Variants in DENND5B observed in about 807,000 individuals in gnomAD.
The protein encoded by DENND5B is DENN domain-containing protein 5B.
DENND5B carries 34 observed loss-of-function variants against 140.6 expected under a neutral mutation model. The observed-to-expected ratio is 0.24, with a 90% CI of 0.18 to 0.32. DENND5B has a LOEUF of 0.32. Ranked by LOEUF, DENND5B falls within the 10% of genes least tolerant of loss-of-function variation. The pLI is 1.00. For missense variants in DENND5B, 1,142 were observed against 1,560.2 expected (o/e 0.73, Z 4.52); for synonymous variants, 551 against 562.1 (o/e 0.98, Z 0.28).
intron 6 of DENND5B, among the ~76,000 whole-genome samples, chr12:31,446,681 G>A (rs1405885517): frequency 4.0e-4 from 61 of 151,676 alleles, no homozygotes; most frequent in Non-Finnish European, 2.1e-4. Flanking sequence ...CGATCACGAG[G>A]TCGGGAGATC....
intron 4 of DENND5B, among the ~76,000 whole-genome samples, chr12:31,454,097 G>A (rs1328493247): frequency 6.0e-5 from 9 of 150,316 alleles, no homozygotes; most frequent in African/African-American, 2.0e-4. Flanking sequence ...AGCTAAGATC[G>A]TGCCACTGCA....
intron 1 of DENND5B, among the ~76,000 whole-genome samples, chr12:31,537,017 C>T (rs1258910145): frequency 6.6e-6 from 1 of 152,122 alleles, no homozygotes; most frequent in African/African-American, 2.4e-5. Context: ...AAGACTTTCC[C>T]AGACAAACAA....
chr12:31,453,843 A>G (rs1037632725), intron 4 of DENND5B, among the ~76,000 whole-genome samples: 14 of 152,078 alleles, frequency 9.2e-5, no homozygotes, highest in African/African-American at 3.4e-4. Context: ...ATTAAGCTCA[A>G]TAAAAACTCA....
Position 31,402,556 on chromosome 12 carries a change from T to A in DENND5B, c.2891A>T (p.Glu964Val), listed in dbSNP as rs1437594947. 6.2e-7 allele frequency: 1 copy of A among 1,613,888 alleles called. No individual in the cohort carries two copies. The highest frequency in any genetic ancestry group is 8.5e-7 in the Non-Finnish European group (1 of 1,179,828). ...TSNPWICVSG[E>V]LGDTGVMQIP... ...CTGCATTACTCCTGTGTCTCCCAGC[T>A]CTCCTGATACACAGATCCAAGGGTT... Residue 964 changes from glutamate (E) to valine (V), a missense_variant, in exon 15 of 21, where the codon GAG (glutamate) becomes GTG (valine). By Grantham distance (121) the Glu-to-Val change is moderately radical. Around this residue, in one of 5 missense-constraint regions of DENND5B, gnomAD observed 268 missense variants for 349.2 expected, o/e 0.77. Coordinates refer to ENST00000389082, the MANE Select transcript of DENND5B (RefSeq NM_144973.4).
chr12:31,493,333 G>A (rs1488975996), intron 2 of DENND5B, among the ~76,000 whole-genome samples: 1 of 152,178 alleles, frequency 6.6e-6, no homozygotes, highest in African/African-American at 2.4e-5. Flanking sequence ...CAGGCATCTA[G>A]TGAATATTAA....
chr12:31,538,169 T>G (rs534726502), intron 1 of DENND5B, among the ~76,000 whole-genome samples: 1 of 152,174 alleles, frequency 6.6e-6, no homozygotes, highest in Non-Finnish European at 1.5e-5. Context: ...ATGGACCTAA[T>G]AGATACATAC....
intron 1 of DENND5B, among the ~76,000 whole-genome samples, chr12:31,524,931 T>C (rs1013891074): frequency 6.6e-6 from 1 of 152,100 alleles, no homozygotes; most frequent in Non-Finnish European, 1.5e-5. Context: ...TCTACTAAAA[T>C]GATACACCTC....
At chr12:31,417,216 G>T (rs1379577966) in intron 11 of DENND5B, among the ~76,000 whole-genome samples, 2 of 151,338 alleles carry the variant, frequency 1.3e-5, no homozygotes, top group Non-Finnish European at 2.9e-5. Context: ...AATTAGCTGG[G>T]CGTGGTGGTG....
At chr12:31,576,241 CAG>C (rs1249651086) in intron 1 of DENND5B, among the ~76,000 whole-genome samples, 1 of 151,738 alleles carries the variant, frequency 6.6e-6, no homozygotes, top group Non-Finnish European at 1.5e-5. Flanking sequence ...CATTTGAGGT[CAG>C]GAGTTCCAGA....
intron 5 of DENND5B, 188 bp downstream of exon 5, chr12:31,451,752 T>G: frequency 1.6e-6 from 1 of 619,470 alleles, no homozygotes; most frequent in Non-Finnish European, 2.7e-6. Flanking sequence ...TTTTATCTAA[T>G]GTAAAAATAC....
At position 31,454,698 on chromosome 12, in the gene DENND5B, C is replaced by G. The variant is rs190034150; in HGVS notation, c.1093-2222G>C. 5.6e-3 allele frequency among the ~76,000 whole-genome samples: 847 copies of G among 152,178 alleles called. 8 individuals carry two copies. The highest frequency in any genetic ancestry group is 6.9e-3 in the Non-Finnish European group (472 of 68,008). On this transcript the variant is annotated intron_variant, in intron 4 of 20. Coordinates refer to ENST00000389082, the MANE Select transcript of DENND5B (RefSeq NM_144973.4). Reference sequence around the variant, plus strand: ...GACCTCGTAATCCACCTGCCTCAGCCTCTCACAGTGCTGGGATTATAGGTG... The same window carrying G: ...GACCTCGTAATCCACCTGCCTCAGCGTCTCACAGTGCTGGGATTATAGGTG...
chr12:31,467,602 C>T (rs7136943), intron 3 of DENND5B, among the ~76,000 whole-genome samples: 85,236 of 152,072 alleles, frequency 0.56, 24,431 homozygotes, highest in East Asian at 0.82. Context: ...GCCTAGGCAA[C>T]AGAGTGAGAC....
intron 1 of DENND5B, among the ~76,000 whole-genome samples, chr12:31,529,600 G>C (rs1465154757): frequency 6.6e-6 from 1 of 151,890 alleles, no homozygotes; most frequent in Non-Finnish European, 1.5e-5. Context: ...CAAGGTGGGG[G>C]GATCGCTTGA....
chr12:31,445,308 C>A (rs1944228912), intron 6 of DENND5B, among the ~76,000 whole-genome samples: 1 of 152,188 alleles, frequency 6.6e-6, no homozygotes, highest in African/African-American at 2.4e-5. Context: ...CAAACCATGG[C>A]TCGACCAATC....
intron 2 of DENND5B, among the ~76,000 whole-genome samples, chr12:31,493,048 A>G (rs1946596316): frequency 6.6e-6 from 1 of 152,206 alleles, no homozygotes; most frequent in Non-Finnish European, 1.5e-5. Context: ...CCCAGGCTGG[A>G]AAGAGTTTAC....
chr12:31,399,993 G>A (rs1474394671), intron 15 of DENND5B, among the ~76,000 whole-genome samples: 3 of 152,196 alleles, frequency 2.0e-5, no homozygotes, highest in Non-Finnish European at 4.4e-5. Flanking sequence ...TACCAAATGA[G>A]GGGCACTGCA....
intron 1 of DENND5B, among the ~76,000 whole-genome samples, chr12:31,543,381 G>A (rs1391628871): frequency 2.6e-5 from 4 of 152,154 alleles, no homozygotes; most frequent in African/African-American, 7.2e-5. Context: ...ACTAAGATCT[G>A]ACTTTTTATA....
chr12:31,398,466 G>C, intron 16 of DENND5B, 104 bp from the exon 17 acceptor site: 1 of 1,163,414 alleles, frequency 8.6e-7, no homozygotes, highest in East Asian at 2.6e-5. Flanking sequence ...CACCACACCT[G>C]GCTAATTTTT....
At chr12:31,528,049 T>C (rs551496976) in intron 1 of DENND5B, among the ~76,000 whole-genome samples, 1 of 152,246 alleles carries the variant, frequency 6.6e-6, no homozygotes, top group South Asian at 2.1e-4. Flanking sequence ...TTGACTGAAA[T>C]CCTAAACAGG....
Sources: allele counts gnomAD v4.1 joint callset (sites outside exome capture counted in the v4.1 genomes callset), GRCh38; gene constraint gnomAD v4.1.1; regional missense constraint gnomAD v4.1.1; transcripts MANE v1.5; gene names NCBI Gene and HGNC (gene_info 2026-07-23, HGNC 2026-07-21).